GPHN: variants seen among roughly 807,000 people sequenced by gnomAD.
GPHN encodes gephyrin.
In GPHN, 17 loss-of-function variants were observed where a neutral mutation model predicts 95.5. That is an observed-to-expected ratio of 0.18 (90% confidence interval 0.12 to 0.27). The LOEUF is 0.27. Ranked by LOEUF, GPHN falls within the 10% of genes least tolerant of loss-of-function variation. The probability of loss-of-function intolerance (pLI) is 1.00; values close to 1 mark genes in which losing one functional copy is unlikely to be tolerated. For synonymous variants in GPHN, 320 were observed against 322.5 expected (o/e 0.99, Z 0.08); for missense variants, 660 against 978.1 (o/e 0.67, Z 4.34).
At chr14:66,583,314 A>AT (rs1336821230) in intron 1 of GPHN, among the ~76,000 whole-genome samples, 4 of 151,888 alleles carry the variant, frequency 2.6e-5, no homozygotes, top group African/African-American at 9.7e-5. Flanking sequence ...GGTTGCAAAA[A>AT]TTTTCTCCCA....
At chr14:67,255,085 G>A in the GPHN span, among the ~76,000 whole-genome samples, 22 of 152,052 alleles carry the variant, frequency 1.4e-4, no homozygotes, top group African/African-American at 5.3e-4. Flanking sequence ...GGAGGCGGAG[G>A]TTGCAGTGAG....
chr14:67,097,605 A>G (rs375209463), intron 12 of GPHN, among the ~76,000 whole-genome samples: 3 of 151,936 alleles, frequency 2.0e-5, no homozygotes, highest in Admixed American at 1.3e-4. Flanking sequence ...CTCATTCTTC[A>G]TATTCAAATC....
At chr14:67,415,749 T>C in the GPHN span, among the ~76,000 whole-genome samples, 2 of 152,162 alleles carry the variant, frequency 1.3e-5, no homozygotes, top group Non-Finnish European at 2.9e-5. Context: ...AATGTTAGAC[T>C]GGATAAAGAA....
At chr14:67,616,900 G>A in the GPHN span, 1 of 151,610 alleles carries the variant, frequency 6.6e-6, no homozygotes, top group East Asian at 1.9e-4. Context: ...TCGAGATGGG[G>A]TCCTCACTCT....
the GPHN span, among the ~76,000 whole-genome samples, chr14:67,542,417 A>G: frequency 1.3e-5 from 2 of 152,234 alleles, no homozygotes; most frequent in African/African-American, 2.4e-5. Context: ...TAACAAGGAC[A>G]CAGGCTTTGG....
the GPHN span, chr14:67,562,310 G>C: frequency 1.2e-6 from 2 of 1,613,804 alleles, no homozygotes; most frequent in South Asian, 1.1e-5. Flanking sequence ...GCAGAGCAAG[G>C]ACTCTGTTTC....
At chr14:67,659,726 C>T in the GPHN span, 1 of 1,585,222 alleles carries the variant, frequency 6.3e-7, no homozygotes, top group Admixed American at 1.8e-5. Flanking sequence ...ACAGCTAAAA[C>T]TTACCATATG....
intron 13 of GPHN, among the ~76,000 whole-genome samples, chr14:67,102,310 C>A (rs528111942): frequency 6.6e-6 from 1 of 152,200 alleles, no homozygotes; most frequent in South Asian, 2.1e-4. Context: ...TGCTTCCCTT[C>A]AAAGTTTCCT....
At chr14:66,929,050 GTTTC>G (rs2066638778) in intron 8 of GPHN, among the ~76,000 whole-genome samples, 1 of 130,116 alleles carries the variant, frequency 7.7e-6, no homozygotes, top group Non-Finnish European at 1.6e-5. Context: ...TAAGTCCAAT[GTTTC>G]TTTTTTTTTT....
the GPHN span, chr14:67,228,326 G>A: frequency 2.2e-5 from 10 of 459,026 alleles, no homozygotes; most frequent in African/African-American, 2.1e-4. Flanking sequence ...TATTTTACCT[G>A]TATTTAGTTC....
At chr14:67,351,470 A>G in the GPHN span, among the ~76,000 whole-genome samples, 1 of 152,232 alleles carries the variant, frequency 6.6e-6, no homozygotes, top group Non-Finnish European at 1.5e-5. Flanking sequence ...AAAGAAAAAG[A>G]CCAACAGATT....
chr14:67,107,448 A>G (rs1312968111), intron 13 of GPHN, among the ~76,000 whole-genome samples: 1 of 152,178 alleles, frequency 6.6e-6, no homozygotes, highest in Non-Finnish European at 1.5e-5. Flanking sequence ...GGCACCCCCT[A>G]GCAGCTTGGA....
the GPHN span, among the ~76,000 whole-genome samples, chr14:67,409,319 G>GGATCACTT: frequency 7.9e-5 from 12 of 151,958 alleles, no homozygotes; most frequent in Admixed American, 7.9e-4. Context: ...CAAGGCCAGG[G>GGATCACTT]GATCACTTGA....
chr14:66,657,150 C>T (rs1305843748), intron 1 of GPHN, among the ~76,000 whole-genome samples: 1 of 152,182 alleles, frequency 6.6e-6, no homozygotes, highest in Non-Finnish European at 1.5e-5. Flanking sequence ...ATAATTTTAG[C>T]AGTCTGGCTA....
At chr14:66,651,023 G>T (rs569602089) in intron 1 of GPHN, among the ~76,000 whole-genome samples, 1 of 152,028 alleles carries the variant, frequency 6.6e-6, no homozygotes, top group African/African-American at 2.4e-5. Context: ...ATCTGTTTGC[G>T]CAGCTCTGTG....
At chr14:67,597,221 T>C in the GPHN span, among the ~76,000 whole-genome samples, 9 of 152,276 alleles carry the variant, frequency 5.9e-5, no homozygotes, top group Non-Finnish European at 1.2e-4. Flanking sequence ...CTCATGCCTA[T>C]AATCCCAACA....
At chr14:66,985,545 T>G (rs907024161) in intron 9 of GPHN, 1 of 593,448 alleles carries the variant, frequency 1.7e-6, no homozygotes, top group Non-Finnish European at 3.0e-6. Context: ...CTGGGTTAGT[T>G]AACTCCTTGG....
chr14:67,592,798 A>T, the GPHN span: 13,066 of 926,268 alleles, frequency 0.014, 648 homozygotes, highest in East Asian at 0.12. Flanking sequence ...TTATTTATTT[A>T]TTTTTGAGAC....
the GPHN span, among the ~76,000 whole-genome samples, chr14:67,406,844 G>A: frequency 1.3e-5 from 2 of 152,194 alleles, no homozygotes; most frequent in Non-Finnish European, 2.9e-5. Context: ...GTCACAGGCC[G>A]ATAACACAAT....
Sources: gnomAD v4.1 joint callset for allele counts (sites outside exome capture counted in the v4.1 genomes callset) on GRCh38, gnomAD v4.1.1 for gene constraint, MANE v1.5 for transcripts, NCBI Gene and HGNC (gene_info 2026-07-23, HGNC 2026-07-21) for gene names.